PAX3: variants seen among roughly 807,000 people sequenced by gnomAD.
The protein encoded by PAX3 is paired box 3.
In PAX3, 14 loss-of-function variants were observed where a neutral mutation model predicts 51.6. The ratio of observed to expected loss-of-function variants is 0.27; its 90% CI spans 0.18 to 0.42. The LOEUF is 0.42. PAX3 is among the 10% of genes least tolerant of loss of function. The pLI is 1.00. For synonymous variants in PAX3, 280 were observed against 253.4 expected, an observed-to-expected ratio of 1.11 and a Z score of -1.00; for missense variants, 540 against 642.8, an observed-to-expected ratio of 0.84 and a Z score of 1.73.
chr2:222,212,622 AACACACACACACAC>A (rs57019405), intron 7 of PAX3, among the ~76,000 whole-genome samples: 59 of 148,038 alleles, frequency 4.0e-4, no homozygotes, highest in South Asian at 1.9e-3. Context: ...TGGAAAAACA[AACACACACACACAC>A]ACACACACAC....
At chr2:222,233,118 C>A (rs1247229535) in intron 4 of PAX3, 1 of 131,318 alleles carries the variant, frequency 7.6e-6, no homozygotes, top group African/African-American at 2.8e-5. Context: ...AGTATGATCC[C>A]TTTTGTAAAA....
chr2:222,203,662 T>C (rs1460843849), intron 7 of PAX3, among the ~76,000 whole-genome samples: 1 of 152,004 alleles, frequency 6.6e-6, no homozygotes, highest in Non-Finnish European at 1.5e-5. Context: ...GCGGGTCTAG[T>C]TTTGCTTCCC....
chr2:222,227,576 C>A (rs1692432003), intron 5 of PAX3, among the ~76,000 whole-genome samples: 1 of 152,028 alleles, frequency 6.6e-6, no homozygotes, highest in African/African-American at 2.4e-5. Flanking sequence ...CACTCCAGCT[C>A]AGGCAACAGA....
intron 7 of PAX3, among the ~76,000 whole-genome samples, chr2:222,218,032 G>T (rs1692032767): frequency 6.6e-6 from 1 of 152,096 alleles, no homozygotes; most frequent in Admixed American, 6.5e-5. Context: ...AACTCAGTGG[G>T]GTTGCTACAA....
At chr2:222,237,706 C>T (rs143287779) in intron 4 of PAX3, among the ~76,000 whole-genome samples, 1 of 152,150 alleles carries the variant, frequency 6.6e-6, no homozygotes, top group Non-Finnish European at 1.5e-5. Context: ...TTACTAAGAA[C>T]CATCACAGAC....
intron 5 of PAX3, among the ~76,000 whole-genome samples, chr2:222,224,372 A>G (rs1692304470): frequency 6.6e-6 from 1 of 152,190 alleles, no homozygotes; most frequent in African/African-American, 2.4e-5. Context: ...ACCAGGGCTT[A>G]GTGAGGACTG....
At chr2:222,281,077 G>A (rs1694630458) in intron 4 of PAX3, among the ~76,000 whole-genome samples, 1 of 152,172 alleles carries the variant, frequency 6.6e-6, no homozygotes. Context: ...GATGTGCCCT[G>A]TCTGCATAAA....
Position 222,201,289 on chromosome 2 carries a change from C to T in PAX3, c.*119G>A, listed in dbSNP as rs368564670. 1.4e-5 allele frequency: 22 copies of T among 1,610,156 alleles called. No homozygotes were observed. Among genetic ancestry groups the T allele is most frequent in the Non-Finnish European group, 1.8e-5 (21 of 1,179,876 alleles). On this transcript the variant is annotated 3_prime_UTR_variant, in exon 9 of 9. Coordinates refer to ENST00000392070, the MANE Select transcript of PAX3 (RefSeq NM_181458.4). ...ACTCTCCTTTGTCTCCTATTGGGAC[C>T]ACTGCCCCACCCCCCCCAACAAAAG...
intron 4 of PAX3, among the ~76,000 whole-genome samples, chr2:222,275,919 T>C (rs1245475828): frequency 6.6e-6 from 1 of 152,230 alleles, no homozygotes; most frequent in East Asian, 1.9e-4. Flanking sequence ...CAAACTCTTG[T>C]TTGCCCCAAT....
chr2:222,278,585 GTGTGGGAAATCCACT>G (rs1218211684), intron 4 of PAX3, among the ~76,000 whole-genome samples: 2 of 152,224 alleles, frequency 1.3e-5, no homozygotes, highest in Non-Finnish European at 2.9e-5. Context: ...CACTGAGGAA[GTGTGGGAAATCCACT>G]TGTGGTGGAG....
chr2:222,255,917 A>T (rs1327080462), intron 4 of PAX3, among the ~76,000 whole-genome samples: 3 of 98,340 alleles, frequency 3.1e-5, no homozygotes, highest in Non-Finnish European at 5.7e-5. Context: ...CGCCCAGCTA[A>T]TTTTTTTTTT....
rs369458501 is a variant in PAX3 at position 222,214,004 on chromosome 2, G to A, written c.1173+6136C>T. ...AAGCCATAGTAGGAAAGATTTTAAC[G>A]GCAACAAATGAAACAGAGAAGTACC... On this transcript the variant is annotated intron_variant, in intron 7 of 8. Transcript: ENST00000392070. 4.3e-4 allele frequency among the ~76,000 whole-genome samples: 66 copies of A among 152,226 alleles called. No individual in the cohort carries two copies. In the East Asian group the frequency reaches 5.4e-3, roughly 12 times the overall value.
At chr2:222,247,048 T>C (rs1693253916) in intron 4 of PAX3, among the ~76,000 whole-genome samples, 1 of 152,226 alleles carries the variant, frequency 6.6e-6, no homozygotes, top group African/African-American at 2.4e-5. Context: ...AACCCACTTA[T>C]ACATCTCTCC....
At chr2:222,288,491 T>C (rs978831765) in intron 4 of PAX3, among the ~76,000 whole-genome samples, 5 of 152,362 alleles carry the variant, frequency 3.3e-5, no homozygotes, top group South Asian at 2.1e-4. Context: ...GTAGTCAATA[T>C]AACACTCAGA....
chr2:222,218,473 G>A (rs1692054715), intron 7 of PAX3, among the ~76,000 whole-genome samples: 1 of 152,182 alleles, frequency 6.6e-6, no homozygotes, highest in African/African-American at 2.4e-5. Flanking sequence ...ATCTCACCTT[G>A]CAGAAGCAGC....
In PAX3 at chr2:222,298,760, G is replaced by C. The variant is rs996249009; in HGVS notation, c.-145C>G. Reference sequence around the variant, plus strand: ...GGAGAGAGAGGGAGGGACGCGGGGAGGGGGGCTGTCGGTTCCTAGTCCAGA... The same window carrying C: ...GGAGAGAGAGGGAGGGACGCGGGGACGGGGGCTGTCGGTTCCTAGTCCAGA... On this transcript the variant is annotated 5_prime_UTR_variant, in exon 1 of 9. Coordinates refer to ENST00000392070, the MANE Select transcript of PAX3 (RefSeq NM_181458.4). The C allele has an allele frequency of 2.6e-6, 2 of 779,724 alleles. No homozygotes were observed. The highest frequency in any genetic ancestry group is 1.7e-5 in the African/African-American group (1 of 58,706). The allele number at this position is 779,724 out of a possible 1,614,324, so 48.3% of individuals were successfully genotyped here. A position where few individuals can be genotyped will look rare whatever the true frequency, so the allele number is the denominator to read the frequency against.
chr2:222,248,339 C>T (rs1693302250), intron 4 of PAX3, among the ~76,000 whole-genome samples: 1 of 152,190 alleles, frequency 6.6e-6, no homozygotes, highest in African/African-American at 2.4e-5. Context: ...CATAACTTGG[C>T]TCCCTCACTG....
At chr2:222,232,415 G>A (rs915450288) in intron 4 of PAX3, 132 bp from the exon 5 acceptor site, 4 of 767,640 alleles carry the variant, frequency 5.2e-6, no homozygotes, top group Non-Finnish European at 8.4e-6. Flanking sequence ...AATAAATGTG[G>A]ATCAAAAAAC....
chr2:222,221,682 CCCCTCCCTA>C (rs997014525), intron 5 of PAX3: 1 of 382,808 alleles, frequency 2.6e-6, no homozygotes, highest in African/African-American at 2.1e-5. Flanking sequence ...AACAGGAACT[CCCCTCCCTA>C]CCCTCAACAT....
Sources: allele counts gnomAD v4.1 joint callset (sites outside exome capture counted in the v4.1 genomes callset), GRCh38; gene constraint gnomAD v4.1.1; transcripts MANE v1.5; gene names NCBI Gene and HGNC (gene_info 2026-07-23, HGNC 2026-07-21).